HCRTR2: variants seen among roughly 807,000 people sequenced by gnomAD.
HCRTR2 encodes the protein orexin receptor type 2.
HCRTR2 carries 22 observed loss-of-function variants against 49.0 expected under a neutral mutation model. That is an observed-to-expected ratio of 0.45 (90% CI 0.32 to 0.64). The LOEUF (loss-of-function observed/expected upper bound fraction) is 0.64, where lower values mean the gene tolerates loss of function less well. HCRTR2 is among the 30% of genes least tolerant of loss of function. The pLI, the probability that HCRTR2 is intolerant of heterozygous loss-of-function variation, is 0.04. For missense variants in HCRTR2, 491 were observed against 559.4 expected (o/e 0.88, Z 1.23); for synonymous variants, 236 against 205.3 (o/e 1.15, Z -1.28).
chr6:55,174,641 T>C lies in HCRTR2; in HGVS notation c.54T>C (p.Ala18=). 6.2e-7 allele frequency: 1 copy of C among 1,614,002 alleles called. No individual in the cohort carries two copies. The highest frequency in any genetic ancestry group is 8.5e-7 in the Non-Finnish European group (1 of 1,179,998). The part of the protein sequence containing the change: ...DSPPCRNWSS[A]SELNETQEPF... ...CCCCTTGTCGCAACTGGTCATCTGC[T>C]TCGGAGCTGAATGAAACTCAAGAGC... Residue 18 remains alanine (A), a synonymous_variant, in exon 1 of 7, where the codon GCT becomes GCC. Transcript: ENST00000370862.
At chr6:55,187,628 A>G (rs779521155) in intron 1 of HCRTR2, among the ~76,000 whole-genome samples, 17 of 149,840 alleles carry the variant, frequency 1.1e-4, no homozygotes, top group East Asian at 1.9e-4. Flanking sequence ...AGTGTTTGTC[A>G]TACCTATTTT....
chr6:55,147,574 G>A (rs541017077), intron 1 of HCRTR2, among the ~76,000 whole-genome samples: 2 of 152,224 alleles, frequency 1.3e-5, no homozygotes, highest in African/African-American at 4.8e-5. Context: ...ACCAGCAAGA[G>A]GCGGAACTGA....
At chr6:55,203,529 A>T (rs1028411706) in intron 1 of HCRTR2, among the ~76,000 whole-genome samples, 3 of 152,198 alleles carry the variant, frequency 2.0e-5, no homozygotes, top group Admixed American at 2.0e-4. Flanking sequence ...AAATATGTAC[A>T]TTAAAATTTT....
chr6:55,255,853 C>CAGAGTCAGCATGTGGTTCTCTA (rs1476661030), intron 3 of HCRTR2, among the ~76,000 whole-genome samples: 1 of 152,134 alleles, frequency 6.6e-6, no homozygotes, highest in East Asian at 1.9e-4. Context: ...GGAACATGGC[C>CAGAGTCAGCATGTGGTTCTCTA]AGAGTCAGCA....
In HCRTR2 at chr6:55,187,869, C is replaced by T. The variant is rs962193622; in HGVS notation, c.223+13059C>T. Among the ~76,000 whole-genome samples the T allele has an allele frequency of 7.9e-5, 12 of 152,150 alleles. No individual in the cohort carries two copies. In the South Asian group the frequency reaches 1.9e-3, roughly 24 times the overall value. Reference sequence around the variant, plus strand: ...TCGCCTCAGTGCAAGCTCCGCCTCCCGGGTTCACACCATTCTCCAGCCTCA... The same window carrying T: ...TCGCCTCAGTGCAAGCTCCGCCTCCTGGGTTCACACCATTCTCCAGCCTCA... On this transcript the variant is annotated intron_variant, in intron 1 of 6. Transcript: ENST00000370862.
At chr6:55,137,057 G>A (rs779132041) in intron 1 of HCRTR2, among the ~76,000 whole-genome samples, 1 of 152,168 alleles carries the variant, frequency 6.6e-6, no homozygotes, top group African/African-American at 2.4e-5. Context: ...AGAAAGGGAG[G>A]AGAATTGGAT....
At position 55,123,044 on chromosome 6, in the gene HCRTR2, C is replaced by T. The variant is rs536942648; in HGVS notation, c.-378+16499C>T. ...TGAGGAGTTAATGAGTGCAGCACAC[C>T]AACATGACACATATGTACATATGTA... is the stretch of plus-strand genomic sequence containing the variant. On this transcript the variant is annotated intron_variant, in intron 1 of 7. Transcript: ENST00000615358. Among the ~76,000 whole-genome samples, 257 of 151,314 alleles carry T rather than the reference C, an allele frequency of 1.7e-3. 1 individual carries two copies. Among genetic ancestry groups the T allele is most frequent in the African/African-American group, 6.1e-3 (252 of 41,200 alleles).
chr6:55,132,466 A>G (rs1450811592), intron 1 of HCRTR2, among the ~76,000 whole-genome samples: 2 of 151,968 alleles, frequency 1.3e-5, no homozygotes, highest in African/African-American at 2.4e-5. Flanking sequence ...ATATTGACAC[A>G]CTATGCATGC....
intron 1 of HCRTR2, among the ~76,000 whole-genome samples, chr6:55,120,521 G>A (rs1357990320): frequency 2.0e-5 from 3 of 151,386 alleles, no homozygotes; most frequent in South Asian, 4.1e-4. Flanking sequence ...TGTAGCAGTC[G>A]TGAATGGGAG....
chr6:55,137,455 GTTAA>G (rs895013281), intron 1 of HCRTR2, among the ~76,000 whole-genome samples: 1 of 151,928 alleles, frequency 6.6e-6, no homozygotes, highest in African/African-American at 2.4e-5. Context: ...TTTGCTTTTA[GTTAA>G]TTAATTAAAT....
rs1767100542 is a variant in HCRTR2 at position 55,277,500 on chromosome 6, C to A, written c.883C>A (p.Gln295Lys). ...RMSAVAAEIK[Q>K]IRARRKTARM... ...GAGCGCTGTGGCGGCTGAAATAAAG[C>A]AGATCCGAGCCAGAAGGAAAACAGC... The change falls in exon 5 of 7, where the codon CAG becomes AAG. Residue 295 changes from glutamine to lysine, a missense_variant. Physicochemically the swap from Gln to Lys is moderately conservative, Grantham distance 53. Coordinates refer to ENST00000370862, the MANE Select transcript of HCRTR2 (RefSeq NM_001384272.1). 1 of 1,614,024 alleles carries A rather than the reference C, an allele frequency of 6.2e-7. No individual in the cohort carries two copies. The highest frequency in any genetic ancestry group is 8.5e-7 in the Non-Finnish European group (1 of 1,179,974).
rs76232306 is a variant in HCRTR2 at position 55,280,396 on chromosome 6, G to A, written c.1057G>A (p.Val353Ile). 3.7e-6 allele frequency: 6 copies of A among 1,612,284 alleles called. No individual in the cohort carries two copies. In the African/African-American group the frequency reaches 8.0e-5, roughly 22 times the overall value. The change falls in exon 6 of 7, where the codon GTA becomes ATA. Residue 353 changes from valine to isoleucine, a missense_variant. Val to Ile is a conservative substitution (Grantham distance 29, BLOSUM62 3). Transcript: ENST00000370862. ...YAWFTFSHWL[V>I]YANSAANPII... ...CTGGTTTACCTTTTCACACTGGCTT[G>A]TATATGCCAATAGTGCTGCGAATCC... is the stretch of plus-strand genomic sequence containing the variant.
At chr6:55,190,474 A>G (rs1765297749) in intron 1 of HCRTR2, among the ~76,000 whole-genome samples, 2 of 152,186 alleles carry the variant, frequency 1.3e-5, no homozygotes, top group Admixed American at 1.3e-4. Flanking sequence ...GATATAGTAC[A>G]GGTAAGTGTA....
chr6:55,196,876 G>A lies in HCRTR2; in HGVS notation c.223+22066G>A, dbSNP rs78958325. On this transcript the variant is annotated intron_variant, in intron 1 of 6. Coordinates refer to ENST00000370862, the MANE Select transcript of HCRTR2 (RefSeq NM_001384272.1). ...ATGATGTATGCACTGTAGCATGGGT[G>A]GTCTTCCAGGAAGCCTTGACTGAAT... Among the ~76,000 whole-genome samples the A allele has an allele frequency of 5.3e-3, 803 of 152,168 alleles. 7 individuals are homozygous for A. The highest frequency in any genetic ancestry group is 0.018 in the African/African-American group (763 of 41,508).
chr6:55,121,463 T>C (rs1764198436), intron 1 of HCRTR2, among the ~76,000 whole-genome samples: 1 of 152,166 alleles, frequency 6.6e-6, no homozygotes, highest in Admixed American at 6.5e-5. Context: ...GAATATGCTT[T>C]ATTTCTTTCT....
intron 1 of HCRTR2, among the ~76,000 whole-genome samples, chr6:55,217,770 C>G (rs1178029426): frequency 1.3e-5 from 2 of 152,198 alleles, no homozygotes; most frequent in Non-Finnish European, 2.9e-5. Flanking sequence ...CCTTAACACT[C>G]TATTTACAGC....
Position 55,207,834 on chromosome 6 carries a change from A to C in HCRTR2, c.223+33024A>C, listed in dbSNP as rs73743296. Reference sequence around the variant, plus strand: ...TAACCTCTAAGAGTATATTAATATCAAAAGAAGGCAAGCAACAAACTACTT... The same window carrying C: ...TAACCTCTAAGAGTATATTAATATCCAAAGAAGGCAAGCAACAAACTACTT... On this transcript the variant is annotated intron_variant, in intron 1 of 6. Coordinates refer to ENST00000370862, the MANE Select transcript of HCRTR2 (RefSeq NM_001384272.1). Among the ~76,000 whole-genome samples, 338 of 152,318 alleles carry C rather than the reference A, an allele frequency of 2.2e-3. 1 individual carries two copies. The highest frequency in any genetic ancestry group is 7.2e-3 in the African/African-American group (300 of 41,578).
intron 1 of HCRTR2, among the ~76,000 whole-genome samples, chr6:55,130,363 G>A (rs1465131759): frequency 1.3e-5 from 2 of 150,556 alleles, no homozygotes; most frequent in Non-Finnish European, 3.0e-5. Flanking sequence ...TTGGAGAATT[G>A]GTAACCTTTT....
intron 1 of HCRTR2, among the ~76,000 whole-genome samples, chr6:55,185,178 A>G (rs951416086): frequency 5.3e-5 from 8 of 152,224 alleles, no homozygotes; most frequent in African/African-American, 1.7e-4. Flanking sequence ...CCAATTTTAT[A>G]TAGACTGAAG....
Sources: allele counts gnomAD v4.1 joint callset (sites outside exome capture counted in the v4.1 genomes callset), GRCh38; gene constraint gnomAD v4.1.1; transcripts MANE v1.5; gene names NCBI Gene and HGNC (gene_info 2026-07-23, HGNC 2026-07-21).